The following CDH23 variants were observed in gnomAD, a reference collection of about 807,000 sequenced individuals.
The protein encoded by CDH23 is cadherin-23.
CDH23 carries 189 observed loss-of-function variants against 317.1 expected under a neutral mutation model. The ratio of observed to expected loss-of-function variants is 0.60; its 90% CI spans 0.53 to 0.67. The LOEUF is 0.67. Among genes scored for constraint, CDH23 ranks in the 30% least tolerant of loss-of-function variants. The pLI, the probability that CDH23 is intolerant of heterozygous loss-of-function variation, is 0.00. For synonymous variants in CDH23, 1,839 were observed against 1,876.8 expected, an observed-to-expected ratio of 0.98 and a Z score of 0.52; for missense variants, 4,401 against 4,592.4, an observed-to-expected ratio of 0.96 and a Z score of 1.20.
intron 1 of CDH23, among the ~76,000 whole-genome samples, chr10:71,407,067 A>T (rs1848126753): frequency 6.6e-6 from 1 of 152,160 alleles, no homozygotes; most frequent in Non-Finnish European, 1.5e-5. Flanking sequence ...AGGCACAGAG[A>T]GGTTACGCAA....
At chr10:71,535,483 C>T (rs1328760837) in intron 6 of CDH23, among the ~76,000 whole-genome samples, 1 of 152,212 alleles carries the variant, frequency 6.6e-6, no homozygotes, top group Non-Finnish European at 1.5e-5. Context: ...AGGTTTCGCT[C>T]CACATCCTGG....
chr10:71,717,891 A>T (rs527509817), intron 28 of CDH23: 2 of 152,368 alleles, frequency 1.3e-5, no homozygotes, highest in South Asian at 4.1e-4. Context: ...AGCCAAATAA[A>T]CTTGATTTCA....
intron 24 of CDH23, among the ~76,000 whole-genome samples, chr10:71,703,442 G>A (rs765278300): frequency 4.1e-4 from 62 of 152,204 alleles, no homozygotes; most frequent in Non-Finnish European, 3.7e-4. Flanking sequence ...TCTCATCTGT[G>A]AAATGGAGAT....
intron 69 of CDH23, among the ~76,000 whole-genome samples, chr10:71,814,510 A>T (rs1284026626): frequency 1.3e-5 from 2 of 152,162 alleles, no homozygotes; most frequent in Non-Finnish European, 2.9e-5. Context: ...GGAGTTCCAG[A>T]CCAGCCTGGC....
Position 71,603,152 on chromosome 10 carries a change from G to A in CDH23, c.833-12352G>A, listed in dbSNP as rs149043210. Reference sequence around the variant, plus strand: ...TCCCATGTCCCATTGCTGGATTGGAGCCAGAGGAGGGGGTGACAACACGTC... The same window carrying A: ...TCCCATGTCCCATTGCTGGATTGGAACCAGAGGAGGGGGTGACAACACGTC... On this transcript the variant is annotated intron_variant, in intron 9 of 69. Transcript: ENST00000224721. 9.6e-3 allele frequency among the ~76,000 whole-genome samples: 1,456 copies of A among 152,200 alleles called. 22 individuals are homozygous for A. The highest frequency in any genetic ancestry group is 0.033 in the African/African-American group (1,390 of 41,500).
At chr10:71,527,238 A>T (rs758259135) in intron 6 of CDH23, among the ~76,000 whole-genome samples, 5 of 152,268 alleles carry the variant, frequency 3.3e-5, no homozygotes, top group Non-Finnish European at 7.3e-5. Flanking sequence ...GCACGCGTGC[A>T]CACACCTCAG....
chr10:71,706,486 G>T (rs1006472025), intron 25 of CDH23, among the ~76,000 whole-genome samples: 1 of 152,182 alleles, frequency 6.6e-6, no homozygotes, highest in Non-Finnish European at 1.5e-5. Context: ...GCTGCATGTG[G>T]TCCTGTATGG....
At chr10:71,718,376 C>A (rs1267156290) in intron 28 of CDH23, among the ~76,000 whole-genome samples, 1 of 152,046 alleles carries the variant, frequency 6.6e-6, no homozygotes, top group Admixed American at 6.6e-5. Flanking sequence ...CCCACCACCA[C>A]CCCTCCCAGC....
chr10:71,808,078 G>C, intron 60 of CDH23, 71 bp downstream of exon 60: 1 of 1,534,528 alleles, frequency 6.5e-7, no homozygotes, highest in Non-Finnish European at 8.8e-7. Flanking sequence ...GTCATCTGGG[G>C]GGAGATGGGG....
chr10:71,475,365 G>A (rs1392465867), intron 3 of CDH23, among the ~76,000 whole-genome samples: 3 of 152,138 alleles, frequency 2.0e-5, no homozygotes, highest in Non-Finnish European at 4.4e-5. Context: ...TAGACTCTCT[G>A]GTTTGGAGTT....
chr10:71,574,688 T>C (rs984978391), intron 8 of CDH23, among the ~76,000 whole-genome samples: 1 of 152,126 alleles, frequency 6.6e-6, no homozygotes, highest in African/African-American at 2.4e-5. Flanking sequence ...CCAGCTGGGC[T>C]CCTGTGTCCA....
In CDH23 at chr10:71,427,212, A is replaced by G. The variant is rs1353847910; in HGVS notation, c.-5-12615A>G. Among the ~76,000 whole-genome samples the G allele has an allele frequency of 3.7e-3, 330 of 89,868 alleles. 10 individuals are homozygous for G. The Middle Eastern group carries it at 0.037, about 10-fold the overall frequency. 59.0% of individuals were successfully genotyped at this position (89,868 alleles called of 152,430 possible). On this transcript the variant is annotated intron_variant, in intron 1 of 69. Transcript: ENST00000224721. ...GAAGGAAAGAGAAAGAAAGAAAGAA[A>G]GAAAGAAAGAAAGAAAGAAAGAAAG...
intron 1 of CDH23, among the ~76,000 whole-genome samples, chr10:71,411,683 A>G (rs1332293570): frequency 6.6e-6 from 1 of 152,350 alleles, no homozygotes; most frequent in Non-Finnish European, 1.5e-5. Context: ...CAATTCTGGT[A>G]TCAAGGAGAA....
intron 25 of CDH23, among the ~76,000 whole-genome samples, chr10:71,706,230 G>C (rs1256351177): frequency 6.6e-6 from 1 of 152,158 alleles, no homozygotes; most frequent in East Asian, 1.9e-4. Context: ...TGAGGAATAG[G>C]GGCCTAGCAT....
At chr10:71,483,951 C>T (rs1364230758) in intron 3 of CDH23, among the ~76,000 whole-genome samples, 1 of 152,200 alleles carries the variant, frequency 6.6e-6, no homozygotes, top group Non-Finnish European at 1.5e-5. Context: ...TACATCCTTG[C>T]TGCGGAGCCT....
intron 6 of CDH23, among the ~76,000 whole-genome samples, chr10:71,534,076 C>T (rs1855566772): frequency 6.6e-6 from 1 of 152,062 alleles, no homozygotes; most frequent in African/African-American, 2.4e-5. Flanking sequence ...TCAGGCTGTC[C>T]CTCAGGGCAC....
At position 71,549,957 on chromosome 10, in the gene CDH23, C is replaced by G. The variant is rs368662195; in HGVS notation, c.430-16785C>G. The stretch of plus-strand genomic sequence containing the variant: ...ACAGAGCAGGGTGGAGAGTTGGGAC[C>G]AGCCTGCTGGGTTTATCTAGCTATC... On this transcript the variant is annotated intron_variant, in intron 6 of 69. Coordinates refer to ENST00000224721, the MANE Select transcript of CDH23 (RefSeq NM_022124.6). 1.2e-4 allele frequency among the ~76,000 whole-genome samples: 18 copies of G among 152,242 alleles called. 1 individual carries two copies. In the East Asian group the frequency reaches 3.5e-3, roughly 29 times the overall value.
At chr10:71,738,990 G>C (rs1046302918) in intron 35 of CDH23, among the ~76,000 whole-genome samples, 1 of 152,238 alleles carries the variant, frequency 6.6e-6, no homozygotes, top group Non-Finnish European at 1.5e-5. Flanking sequence ...CCAGCCCCAT[G>C]GCAGGAGGCG....
intron 2 of CDH23, 40 bp from the exon 3 acceptor site, chr10:71,446,277 TG>T (rs765951640): frequency 3.8e-6 from 6 of 1,582,698 alleles, no homozygotes; most frequent in Non-Finnish European, 4.3e-6. Flanking sequence ...GTAAAGCTGA[TG>T]GGGGGTACTT....
Sources: gnomAD v4.1 joint callset for allele counts (sites outside exome capture counted in the v4.1 genomes callset) on GRCh38, gnomAD v4.1.1 for gene constraint, MANE v1.5 for transcripts, NCBI Gene and HGNC (gene_info 2026-07-23, HGNC 2026-07-21) for gene names.